The following ENTHD1 variants were observed in gnomAD, a reference collection of about 807,000 sequenced individuals.
The protein encoded by ENTHD1 is ENTH domain containing 1.
A neutral mutation model predicts 39.1 loss-of-function variants in ENTHD1; 23 were observed. That is an observed-to-expected ratio of 0.59 (90% CI 0.42 to 0.83). ENTHD1 has a LOEUF of 0.83. Among genes scored for constraint, ENTHD1 ranks in the 40% least tolerant of loss-of-function variants. The pLI is 0.00. For synonymous variants in ENTHD1, 230 were observed against 258.2 expected, an observed-to-expected ratio of 0.89 and a Z score of 1.05; for missense variants, 624 against 705.4, an observed-to-expected ratio of 0.88 and a Z score of 1.31.
Position 39,843,814 on chromosome 22 carries a change from A to G in ENTHD1, c.593-7856T>C, listed in dbSNP as rs550444332. The stretch of plus-strand genomic sequence containing the variant: ...AGCTAGGGGGCATGACCTTGAACGA[A>G]GAGGCTGTCTTCAGCTGTTGGGAAT... On this transcript the variant is annotated intron_variant, in intron 3 of 6. Transcript: ENST00000325157. 2.0e-5 allele frequency among the ~76,000 whole-genome samples: 3 copies of G among 152,244 alleles called. No individual in the cohort carries two copies. In the South Asian group the frequency reaches 6.2e-4, roughly 32 times the overall value.
intron 4 of ENTHD1, among the ~76,000 whole-genome samples, chr22:39,834,045 G>T (rs916964735): frequency 6.6e-6 from 1 of 151,182 alleles, no homozygotes; most frequent in African/African-American, 2.4e-5. Flanking sequence ...CGTAAAACAT[G>T]ACACTTTTAG....
chr22:39,878,875 C>CTT, intron 2 of ENTHD1, among the ~76,000 whole-genome samples: 1 of 151,838 alleles, frequency 6.6e-6, no homozygotes, highest in Non-Finnish European at 1.5e-5. Flanking sequence ...AAATAAGTAA[C>CTT]AGCAATGATA....
intron 3 of ENTHD1, among the ~76,000 whole-genome samples, chr22:39,850,439 A>G (rs1161590572): frequency 2.0e-5 from 3 of 152,164 alleles, no homozygotes; most frequent in Non-Finnish European, 2.9e-5. Flanking sequence ...CTTTATGTGA[A>G]TTTATGCTTG....
At chr22:39,844,009 A>G (rs887241785) in intron 3 of ENTHD1, among the ~76,000 whole-genome samples, 2 of 152,172 alleles carry the variant, frequency 1.3e-5, no homozygotes, top group African/African-American at 2.4e-5. Flanking sequence ...AAATGCTTCA[A>G]AACACAGGAG....
Position 39,887,559 on chromosome 22 carries a change from G to A in ENTHD1, c.190C>T (p.His64Tyr), listed in dbSNP as rs763621750. 1.2e-6 allele frequency: 2 copies of A among 1,614,048 alleles called. No individual in the cohort carries two copies. Among genetic ancestry groups the A allele is most frequent in the African/African-American group, 1.3e-5 (1 of 74,896 alleles). The change falls in exon 2 of 7, where the codon CAT becomes TAT. Residue 64 changes from histidine (H) to tyrosine (Y), a missense_variant. By Grantham distance (83) the His-to-Tyr change is moderately conservative. Transcript: ENST00000325157. ...MNMLWHRLNDHGKNWRHVYKS... is the reference protein window; with the variant it reads ...MNMLWHRLNDYGKNWRHVYKS... ...TACACGTGGCGCCAGTTCTTCCCAT[G>A]GTCATTGAGTCTGTGCCACAGCATA...
chr22:39,833,562 A>G (rs1029743990), intron 4 of ENTHD1, among the ~76,000 whole-genome samples: 4 of 152,124 alleles, frequency 2.6e-5, no homozygotes, highest in Admixed American at 1.3e-4. Flanking sequence ...TAGTTGAAAT[A>G]GAGAATATAG....
intron 5 of ENTHD1, among the ~76,000 whole-genome samples, chr22:39,796,093 T>C (rs185406878): frequency 8.2e-4 from 125 of 152,248 alleles, no homozygotes; most frequent in Admixed American, 1.1e-3. Context: ...TATTATTTCT[T>C]TCCTTCTATT....
intron 6 of ENTHD1, among the ~76,000 whole-genome samples, chr22:39,745,429 G>C (rs1028228207): frequency 6.6e-6 from 1 of 152,134 alleles, no homozygotes; most frequent in Non-Finnish European, 1.5e-5. Flanking sequence ...AAACTAAATT[G>C]GACCTCCTGT....
chr22:39,886,770 C>T (rs1415350103), intron 2 of ENTHD1, among the ~76,000 whole-genome samples: 1 of 152,168 alleles, frequency 6.6e-6, no homozygotes, highest in Non-Finnish European at 1.5e-5. Context: ...TGCACCTCCT[C>T]TTCCGCCCCC....
At chr22:39,847,814 A>T (rs1400428319) in intron 3 of ENTHD1, among the ~76,000 whole-genome samples, 1 of 152,278 alleles carries the variant, frequency 6.6e-6, no homozygotes, top group African/African-American at 2.4e-5. Context: ...TGGTGCTATA[A>T]GATCATTTGT....
At chr22:39,812,229 C>T (rs770677758) in intron 5 of ENTHD1, among the ~76,000 whole-genome samples, 57 of 152,238 alleles carry the variant, frequency 3.7e-4, no homozygotes, top group South Asian at 3.1e-3. Flanking sequence ...ATTGCTAATA[C>T]GTCAAGTATG....
At chr22:39,776,066 T>A (rs924740547) in intron 5 of ENTHD1, among the ~76,000 whole-genome samples, 3 of 151,880 alleles carry the variant, frequency 2.0e-5, no homozygotes, top group African/African-American at 7.3e-5. Flanking sequence ...TTTTTTTTTT[T>A]AATTAGTTGT....
At chr22:39,866,792 C>G (rs949547319) in intron 2 of ENTHD1, among the ~76,000 whole-genome samples, 3 of 152,254 alleles carry the variant, frequency 2.0e-5, no homozygotes, top group Non-Finnish European at 4.4e-5. Flanking sequence ...CTCCAATTAA[C>G]TGTGACATCC....
intron 5 of ENTHD1, among the ~76,000 whole-genome samples, 167 bp downstream of exon 5, chr22:39,820,826 A>G (rs985632643): frequency 2.0e-5 from 3 of 152,240 alleles, no homozygotes; most frequent in Non-Finnish European, 4.4e-5. Context: ...AGGAAGAGAG[A>G]AAACACTGAA....
chr22:39,836,040 T>C (rs2065905750), intron 3 of ENTHD1, 82 bp from the exon 4 acceptor site: 3 of 1,062,286 alleles, frequency 2.8e-6, no homozygotes, highest in East Asian at 2.5e-5. Flanking sequence ...TGTAAGTTAA[T>C]CACTTCTGAA....
At chr22:39,858,678 A>C (rs1317186779) in intron 3 of ENTHD1, among the ~76,000 whole-genome samples, 4 of 152,248 alleles carry the variant, frequency 2.6e-5, no homozygotes, top group African/African-American at 7.2e-5. Context: ...GTGTTTTAGC[A>C]GGCACGAAAA....
intron 3 of ENTHD1, among the ~76,000 whole-genome samples, chr22:39,850,986 CCT>C (rs2066032093): frequency 6.6e-6 from 1 of 152,030 alleles, no homozygotes; most frequent in Non-Finnish European, 1.5e-5. Flanking sequence ...GAATAATTTT[CCT>C]CTTTTTGAAG....
chr22:39,862,010 G>GA lies in ENTHD1; in HGVS notation c.350-4dup. ...AGATTTTTCCCGGATATAATAACCT[G>GA]AAAAATACATTGACTCTGCTTAGAA... On this transcript the variant is annotated splice_region_variant and splice_polypyrimidine_tract_variant and intron_variant, in intron 2 of 6. Coordinates refer to ENST00000325157, the MANE Select transcript of ENTHD1 (RefSeq NM_152512.4). The GA allele has an allele frequency of 6.8e-7, 1 of 1,466,864 alleles. No individual in the cohort carries two copies. Among genetic ancestry groups the GA allele is most frequent in the Admixed American group, 1.9e-5 (1 of 53,216 alleles). The allele number at this position is 1,466,864 out of a possible 1,614,324, so 90.9% of individuals were successfully genotyped here.
At chr22:39,776,815 T>C (rs2065368932) in intron 5 of ENTHD1, among the ~76,000 whole-genome samples, 1 of 152,236 alleles carries the variant, frequency 6.6e-6, no homozygotes, top group Non-Finnish European at 1.5e-5. Flanking sequence ...GATTTGCTAC[T>C]GAGTTAAGAG....
Sources: allele counts gnomAD v4.1 joint callset (sites outside exome capture counted in the v4.1 genomes callset), GRCh38; gene constraint gnomAD v4.1.1; transcripts MANE v1.5; gene names NCBI Gene and HGNC (gene_info 2026-07-23, HGNC 2026-07-21).